MAGI2: variants seen among roughly 807,000 people sequenced by gnomAD.
The protein encoded by MAGI2 is membrane associated guanylate kinase, WW and PDZ domain containing 2, also known as membrane-associated guanylate kinase, WW and PDZ domain-containing protein 2.
Under a neutral mutation model 133.3 loss-of-function variants are expected in MAGI2, and 35 were observed. The ratio of observed to expected loss-of-function variants is 0.26; its 90% confidence interval spans 0.20 to 0.35. MAGI2 has a LOEUF of 0.35. MAGI2 is among the 10% of genes least tolerant of loss of function. The pLI is 1.00. For missense variants in MAGI2, 1,636 were observed against 1,863.4 expected, an observed-to-expected ratio of 0.88 and a Z score of 2.25; for synonymous variants, 729 against 710.6, an observed-to-expected ratio of 1.03 and a Z score of -0.41.
At chr7:78,297,117 C>CT (rs1797332854) in intron 9 of MAGI2, among the ~76,000 whole-genome samples, 1 of 152,150 alleles carries the variant, frequency 6.6e-6, no homozygotes, top group Non-Finnish European at 1.5e-5. Flanking sequence ...GAGTATAACT[C>CT]TAAGGTGTGA....
intron 1 of MAGI2, among the ~76,000 whole-genome samples, chr7:79,228,268 G>C (rs1235518333): frequency 6.9e-6 from 1 of 145,044 alleles, no homozygotes; most frequent in Non-Finnish European, 1.5e-5. Flanking sequence ...GCTGGACCCC[G>C]GGAGTTCAAG....
At chr7:79,343,268 T>C (rs983252485) in intron 1 of MAGI2, 7 of 152,104 alleles carry the variant, frequency 4.6e-5, no homozygotes, top group African/African-American at 1.7e-4. Flanking sequence ...TAAAATATGG[T>C]AATATGGAAT....
At chr7:78,981,105 A>C (rs1804746265) in intron 2 of MAGI2, among the ~76,000 whole-genome samples, 1 of 151,540 alleles carries the variant, frequency 6.6e-6, no homozygotes, top group African/African-American at 2.4e-5. Context: ...TATTATGTAT[A>C]CTAGTACAAA....
At chr7:79,168,199 C>T (rs1388414444) in intron 1 of MAGI2, among the ~76,000 whole-genome samples, 1 of 151,896 alleles carries the variant, frequency 6.6e-6, no homozygotes, top group Non-Finnish European at 1.5e-5. Context: ...CTACTTTATA[C>T]CTCTATATTT....
At chr7:78,275,195 G>A (rs1794945273) in intron 9 of MAGI2, among the ~76,000 whole-genome samples, 1 of 152,112 alleles carries the variant, frequency 6.6e-6, no homozygotes, top group African/African-American at 2.4e-5. Context: ...CCTTGGGAAG[G>A]GGAGAGAATT....
intron 3 of MAGI2, among the ~76,000 whole-genome samples, chr7:78,572,209 T>G (rs1801572967): frequency 6.6e-6 from 1 of 152,222 alleles, no homozygotes; most frequent in Non-Finnish European, 1.5e-5. Context: ...ATGTTTCTTT[T>G]ACTAAGCTCC....
At chr7:78,801,663 G>A (rs537212732) in intron 2 of MAGI2, among the ~76,000 whole-genome samples, 3 of 152,064 alleles carry the variant, frequency 2.0e-5, no homozygotes, top group Non-Finnish European at 4.4e-5. Flanking sequence ...TGTAAAATTA[G>A]TTTGCCTTCC....
At chr7:78,657,394 C>T (rs1812420102) in intron 2 of MAGI2, among the ~76,000 whole-genome samples, 1 of 152,180 alleles carries the variant, frequency 6.6e-6, no homozygotes. Context: ...AATCTTTATT[C>T]ACAATTGCCA....
At chr7:78,891,910 A>T (rs889772881) in intron 2 of MAGI2, among the ~76,000 whole-genome samples, 14 of 152,336 alleles carry the variant, frequency 9.2e-5, no homozygotes, top group African/African-American at 3.4e-4. Flanking sequence ...AATAAAGGGT[A>T]TTCAATTAGG....
At chr7:78,384,820 T>C (rs1339791411) in intron 6 of MAGI2, among the ~76,000 whole-genome samples, 1 of 152,182 alleles carries the variant, frequency 6.6e-6, no homozygotes. Context: ...ATATGCAGCC[T>C]TGAAGCATTG....
At chr7:78,330,615 C>CAA (rs4024122) in intron 9 of MAGI2, among the ~76,000 whole-genome samples, 166 of 6,930 alleles carry the variant, frequency 0.024, 53 homozygotes, top group African/African-American at 0.089. Flanking sequence ...GACTCCGTCT[C>CAA]AAAAAAAAAA....
chr7:79,301,091 G>A (rs1837363554), intron 1 of MAGI2, among the ~76,000 whole-genome samples: 1 of 152,242 alleles, frequency 6.6e-6, no homozygotes, highest in Non-Finnish European at 1.5e-5. Context: ...ATCTGCAGGG[G>A]TGGAGCCCCC....
intron 6 of MAGI2, among the ~76,000 whole-genome samples, chr7:78,426,485 T>C (rs376105948): frequency 9.9e-5 from 15 of 152,070 alleles, no homozygotes; most frequent in African/African-American, 3.4e-4. Flanking sequence ...AGGGATAGCA[T>C]TGGGAGATAT....
At chr7:78,426,006 C>T (rs1363175622) in intron 6 of MAGI2, among the ~76,000 whole-genome samples, 4 of 152,102 alleles carry the variant, frequency 2.6e-5, no homozygotes, top group African/African-American at 9.7e-5. Context: ...AATCAGTCAA[C>T]AGACATTAAC....
intron 3 of MAGI2, among the ~76,000 whole-genome samples, chr7:78,602,765 C>T (rs575752326): frequency 1.5e-4 from 23 of 152,206 alleles, no homozygotes; most frequent in African/African-American, 5.3e-4. Flanking sequence ...TTATTATGAT[C>T]ATTTAAATAG....
chr7:79,235,332 C>T (rs893366130), intron 1 of MAGI2, among the ~76,000 whole-genome samples: 25 of 152,318 alleles, frequency 1.6e-4, no homozygotes, highest in Admixed American at 1.5e-3. Flanking sequence ...CCAGTTCGAG[C>T]TTCCCGGCTG....
Position 78,176,070 on chromosome 7 carries a change from G to A in MAGI2, c.2403+1941C>T, listed in dbSNP as rs975106178. 3.3e-5 allele frequency among the ~76,000 whole-genome samples: 5 copies of A among 152,194 alleles called. No individual in the cohort carries two copies. The East Asian group carries it at 9.7e-4, about 29-fold the overall frequency. On this transcript the variant is annotated intron_variant, in intron 14 of 21. Coordinates refer to ENST00000354212, the MANE Select transcript of MAGI2 (RefSeq NM_012301.4). Reference sequence around the variant, plus strand: ...GGCAGGGAGGCTGGAGGGCTGACTCGGTCACCTAGGATCCCTGGTAATCTC... The same window carrying A: ...GGCAGGGAGGCTGGAGGGCTGACTCAGTCACCTAGGATCCCTGGTAATCTC...
chr7:78,395,217 A>T (rs922518018), intron 6 of MAGI2, among the ~76,000 whole-genome samples: 5 of 152,224 alleles, frequency 3.3e-5, no homozygotes, highest in African/African-American at 1.2e-4. Context: ...GAAAAACAAA[A>T]AAGAAAGCAG....
intron 5 of MAGI2, among the ~76,000 whole-genome samples, chr7:78,498,591 G>C (rs1794338640): frequency 6.6e-6 from 1 of 152,170 alleles, no homozygotes; most frequent in South Asian, 2.1e-4. Flanking sequence ...GGCAGAGAGA[G>C]AGGAAACTGC....
Sources: gnomAD v4.1 joint callset for allele counts (sites outside exome capture counted in the v4.1 genomes callset) on GRCh38, gnomAD v4.1.1 for gene constraint, MANE v1.5 for transcripts, NCBI Gene and HGNC (gene_info 2026-07-23, HGNC 2026-07-21) for gene names.